Variants in GBF1 observed in about 807,000 individuals in gnomAD.
GBF1 encodes golgi brefeldin A resistant guanine nucleotide exchange factor 1.
In GBF1, 114 loss-of-function variants were observed where a neutral mutation model predicts 210.5. That is an observed-to-expected ratio of 0.54 (90% CI 0.47 to 0.63). The LOEUF is 0.63. Ranked by LOEUF, GBF1 falls within the 30% of genes least tolerant of loss-of-function variation. The pLI, the probability that GBF1 is intolerant of heterozygous loss-of-function variation, is 0.00. For missense variants in GBF1, 1,851 were observed against 2,357.7 expected (o/e 0.79, Z 4.45); for synonymous variants, 850 against 889.2 (o/e 0.96, Z 0.78).
intron 1 of GBF1, among the ~76,000 whole-genome samples, chr10:102,249,474 G>A (rs1469176436): frequency 6.6e-6 from 1 of 152,186 alleles, no homozygotes; most frequent in Non-Finnish European, 1.5e-5. Flanking sequence ...CCGATTATCA[G>A]GTCTGGGAGG....
At chr10:102,293,764 G>GTTTATTTTTTTT (rs2076643112) in intron 3 of GBF1, among the ~76,000 whole-genome samples, 1 of 50,888 alleles carries the variant, frequency 2.0e-5, no homozygotes, top group African/African-American at 5.7e-5. Flanking sequence ...GCTGTAGTAT[G>GTTTATTTTTTTT]TTTTGTGTTT....
At chr10:102,364,134 A>C (rs903410143) in intron 17 of GBF1, among the ~76,000 whole-genome samples, 10 of 152,060 alleles carry the variant, frequency 6.6e-5, no homozygotes, top group Non-Finnish European at 1.3e-4. Context: ...GATGATTGGC[A>C]ATAAAGGGAA....
At chr10:102,360,947 C>T (rs2059564717) in intron 12 of GBF1, 75 bp from the exon 13 acceptor site, 5 of 772,592 alleles carry the variant, frequency 6.5e-6, no homozygotes, top group South Asian at 5.8e-5. Flanking sequence ...TGCACTCCAG[C>T]GTGGGCAACA....
intron 13 of GBF1, 84 bp downstream of exon 13, chr10:102,361,204 T>TA: frequency 1.2e-6 from 1 of 801,926 alleles, no homozygotes; most frequent in Non-Finnish European, 2.2e-6. Context: ...TCTATCATGC[T>TA]ACAGGGGTAG....
At chr10:102,333,633 C>T (rs1011258888) in intron 3 of GBF1, among the ~76,000 whole-genome samples, 1 of 152,062 alleles carries the variant, frequency 6.6e-6, no homozygotes, top group Non-Finnish European at 1.5e-5. Context: ...CACTATGTCG[C>T]CCAGGCTGGT....
intron 3 of GBF1, among the ~76,000 whole-genome samples, chr10:102,336,841 A>G (rs1397520919): frequency 1.3e-5 from 2 of 151,890 alleles, no homozygotes; most frequent in Non-Finnish European, 2.9e-5. Context: ...TTTCCTGAAC[A>G]GTCAAAAATT....
At chr10:102,292,316 A>G (rs563800961) in intron 3 of GBF1, among the ~76,000 whole-genome samples, 1 of 152,046 alleles carries the variant, frequency 6.6e-6, no homozygotes, top group Non-Finnish European at 1.5e-5. Flanking sequence ...TTTAATGATA[A>G]AAAAAATAAG....
At chr10:102,342,944 C>T (rs900245735) in intron 3 of GBF1, among the ~76,000 whole-genome samples, 2 of 151,968 alleles carry the variant, frequency 1.3e-5, no homozygotes, top group Non-Finnish European at 2.9e-5. Context: ...AGGGGTTTTA[C>T]AAGTTTTAAA....
At chr10:102,316,173 G>T (rs2078914926) in intron 3 of GBF1, among the ~76,000 whole-genome samples, 1 of 145,560 alleles carries the variant, frequency 6.9e-6, no homozygotes, top group Non-Finnish European at 1.5e-5. Flanking sequence ...TGCAACCTCT[G>T]CCTCCTGGGT....
At chr10:102,379,113 C>T (rs1457847260) in intron 33 of GBF1, among the ~76,000 whole-genome samples, 171 bp from the exon 34 acceptor site, 3 of 152,120 alleles carry the variant, frequency 2.0e-5, no homozygotes, top group Non-Finnish European at 4.4e-5. Context: ...TTTACAAGGA[C>T]TGGAACAACC....
At chr10:102,240,803 C>G (rs1183447084), upstream of GBF1, among the ~76,000 whole-genome samples, 3 of 152,252 alleles carry the variant, frequency 2.0e-5, no homozygotes, top group Admixed American at 6.5e-5. Context: ...CGGCCGGGCT[C>G]TCACAACACA....
chr10:102,362,050 C>CCT, intron 14 of GBF1, 138 bp downstream of exon 14: 1 of 123,234 alleles, frequency 8.1e-6, no homozygotes, highest in Admixed American at 1.4e-4. Flanking sequence ...CTTTTCTTTT[C>CCT]TTTTTTTTTT....
intron 3 of GBF1, among the ~76,000 whole-genome samples, chr10:102,297,224 A>G (rs1297875832): frequency 2.0e-5 from 3 of 152,168 alleles, no homozygotes; most frequent in African/African-American, 7.2e-5. Flanking sequence ...TTAAAATTTA[A>G]TTCTTTTCTC....
chr10:102,281,447 A>G (rs111835678), intron 3 of GBF1, among the ~76,000 whole-genome samples: 4 of 152,006 alleles, frequency 2.6e-5, no homozygotes, highest in African/African-American at 9.7e-5. Context: ...ATATTTTACA[A>G]TTGACTAGAA....
intron 3 of GBF1, among the ~76,000 whole-genome samples, chr10:102,327,999 C>T (rs2134268906): frequency 6.6e-6 from 1 of 152,342 alleles, no homozygotes; most frequent in Admixed American, 6.5e-5. Context: ...TTTCAGGGTA[C>T]TGCTGCTTCC....
At chr10:102,305,169 G>A (rs1022706146) in intron 3 of GBF1, among the ~76,000 whole-genome samples, 1 of 134,250 alleles carries the variant, frequency 7.4e-6, no homozygotes, top group Non-Finnish European at 1.6e-5. Context: ...GAAATTATAT[G>A]CAGATTTGTG....
intron 1 of GBF1, among the ~76,000 whole-genome samples, chr10:102,251,938 G>A (rs967819805): frequency 6.6e-6 from 1 of 152,194 alleles, no homozygotes; most frequent in Non-Finnish European, 1.5e-5. Context: ...ACTTTGAGAG[G>A]CCGAGGCAGG....
chr10:102,315,363 AG>A (rs905748135), intron 3 of GBF1, among the ~76,000 whole-genome samples: 8 of 152,208 alleles, frequency 5.3e-5, no homozygotes, highest in Admixed American at 2.6e-4. Flanking sequence ...AGATTCTCAT[AG>A]GAGTGTGAAC....
rs1392065010 is a variant in GBF1, at chr10:102,292,206, G to A, written c.163+32090G>A. On this transcript the variant is annotated intron_variant, in intron 3 of 39. Coordinates refer to ENST00000369983, the MANE Select transcript of GBF1 (RefSeq NM_001377137.1). ...GCCCGGCCCCTAGAACTTTTTCTAA[G>A]GTCCTAGTTTCTAGTATTCTCTTTG... is the stretch of plus-strand genomic sequence containing the variant. Among the ~76,000 whole-genome samples the A allele has an allele frequency of 2.0e-5, 3 of 151,418 alleles. No homozygotes were observed. The South Asian group carries it at 6.3e-4, about 32-fold the overall frequency.
Sources: gnomAD v4.1 joint callset for allele counts (sites outside exome capture counted in the v4.1 genomes callset) on GRCh38, gnomAD v4.1.1 for gene constraint, MANE v1.5 for transcripts, NCBI Gene and HGNC (gene_info 2026-07-23, HGNC 2026-07-21) for gene names.